The following TYW5 variants were observed in gnomAD, a reference collection of about 807,000 sequenced individuals.
The protein encoded by TYW5 is tRNA-yW synthesizing protein 5.
Under a neutral mutation model 44.4 loss-of-function variants are expected in TYW5, and 36 were observed. That is an observed-to-expected ratio of 0.81 (90% CI 0.62 to 1.07). The LOEUF (loss-of-function observed/expected upper bound fraction) is 1.07, where lower values mean the gene tolerates loss of function less well. TYW5 is among the 50% of genes least tolerant of loss of function. TYW5 has a pLI of 0.00. For missense variants in TYW5, 354 were observed against 365.7 expected, an observed-to-expected ratio of 0.97 and a Z score of 0.26; for synonymous variants, 121 against 128.1, an observed-to-expected ratio of 0.94 and a Z score of 0.37.
At chr2:199,951,616 T>C (rs578105243) in intron 1 of TYW5, among the ~76,000 whole-genome samples, 1 of 152,346 alleles carries the variant, frequency 6.6e-6, no homozygotes, top group Admixed American at 6.5e-5. Context: ...TTCCTTTCTT[T>C]TTTGCAAAGT....
intron 3 of TYW5, chr2:199,943,213 G>A (rs2077478964): frequency 6.6e-6 from 1 of 152,122 alleles, no homozygotes. Context: ...CTTATCTCAA[G>A]GTATTTAAAT....
chr2:199,935,881 C>A, intron 7 of TYW5, 50 bp downstream of exon 7: 1 of 1,171,520 alleles, frequency 8.5e-7, no homozygotes, highest in Non-Finnish European at 1.3e-6. Flanking sequence ...GGATGAGTGA[C>A]AGAGTACACA....
In TYW5 at chr2:199,932,885, G is replaced by A; in HGVS notation, c.*182C>T. The A allele has an allele frequency of 1.5e-6, 1 of 666,436 alleles. No individual in the cohort carries two copies. The highest frequency in any genetic ancestry group is 2.4e-6 in the Non-Finnish European group (1 of 416,232). The allele number at this position is 666,436 out of a possible 1,614,324, so 41.3% of individuals were successfully genotyped here. Reference sequence around the variant, plus strand: ...TAGTGGTCAGCATCTGAATGTTAAAGAGTGGTCCCAGCACAGCATTCTTTA... The same window carrying A: ...TAGTGGTCAGCATCTGAATGTTAAAAAGTGGTCCCAGCACAGCATTCTTTA... On this transcript the variant is annotated 3_prime_UTR_variant, in exon 8 of 8. Transcript: ENST00000354611.
Position 199,933,983 on chromosome 2 carries a change from ATTTAC to A in TYW5, c.692-665_692-661del, listed in dbSNP as rs367846311. On this transcript the variant is annotated intron_variant, in intron 7 of 7. Transcript: ENST00000354611. ...TTAATTTTTTTCCTTTTATTGGGAAATTTACTTTATTTTCAATTGAATCTAAACAT... is the reference window on the plus strand; with the variant it reads ...TTAATTTTTTTCCTTTTATTGGGAAATTTATTTTCAATTGAATCTAAACAT... Among the ~76,000 whole-genome samples, 468 of 152,152 alleles carry A rather than the reference ATTTAC, an allele frequency of 3.1e-3. 1 individual carries two copies. Among genetic ancestry groups the A allele is most frequent in the African/African-American group, 0.011 (448 of 41,554 alleles).
chr2:199,954,588 C>T lies in TYW5; in HGVS notation c.78+805G>A, dbSNP rs556523242. ...CTGGGATTACAGGTATGGGCCACCA[C>T]CATGCCCGGCTAATTTTGTATTTTT... On this transcript the variant is annotated intron_variant, in intron 1 of 7. Coordinates refer to ENST00000354611, the MANE Select transcript of TYW5 (RefSeq NM_001039693.3). 7.9e-5 allele frequency among the ~76,000 whole-genome samples: 12 copies of T among 152,238 alleles called. No individual in the cohort carries two copies. The South Asian group carries it at 2.5e-3, about 32-fold the overall frequency.
At chr2:199,955,348 T>C (rs572987844) in intron 1 of TYW5, 45 bp downstream of exon 1, 9 of 1,600,050 alleles carry the variant, frequency 5.6e-6, no homozygotes, top group Middle Eastern at 1.7e-4. Context: ...TAAAGACGTG[T>C]CTCTCGCTGG....
chr2:199,939,007 A>G lies in TYW5; in HGVS notation c.412T>C (p.Phe138Leu). The G allele has an allele frequency of 6.2e-7, 1 of 1,613,848 alleles. No individual in the cohort carries two copies. The highest frequency in any genetic ancestry group is 8.5e-7 in the Non-Finnish European group (1 of 1,179,884). The change falls in exon 5 of 8, where the codon TTC (phenylalanine) becomes CTC (leucine). Residue 138 changes from phenylalanine (F) to leucine (L), a missense_variant. By Grantham distance (22) the Phe-to-Leu change is conservative. Transcript: ENST00000354611. ...LKGDIKFPEF[F>L]KEEQFFSSVF... ...CTGGAAAAGAACTGTTCCTCTTTGA[A>G]GAATTCTGGAAACTTAATATCTCCT...
intron 7 of TYW5, among the ~76,000 whole-genome samples, chr2:199,933,547 T>G (rs1412958159): frequency 6.6e-6 from 1 of 152,192 alleles, no homozygotes; most frequent in Non-Finnish European, 1.5e-5. Flanking sequence ...TTTTAAAACC[T>G]TTAGAAATAG....
At chr2:199,933,950 A>T (rs1328293408) in intron 7 of TYW5, among the ~76,000 whole-genome samples, 2 of 152,136 alleles carry the variant, frequency 1.3e-5, no homozygotes, top group Non-Finnish European at 2.9e-5. Context: ...ACTTTATTAT[A>T]TACCTAATTA....
In TYW5 at chr2:199,932,528, G is replaced by A. The variant is rs930949431; in HGVS notation, c.*539C>T. 8 of 156,880 alleles carry A rather than the reference G, an allele frequency of 5.1e-5. No homozygotes were observed. The highest frequency in any genetic ancestry group is 1.7e-4 in the African/African-American group (7 of 41,472). 9.7% of individuals were successfully genotyped at this position (156,880 alleles called of 1,614,324 possible). ...GTTACTTTAGAGCAATGAGACCTAA[G>A]GATATGGAAAGTGAATTCTGGGAAA... On this transcript the variant is annotated 3_prime_UTR_variant, in exon 8 of 8. Coordinates refer to ENST00000354611, the MANE Select transcript of TYW5 (RefSeq NM_001039693.3).
In TYW5 at chr2:199,931,567, A is replaced by G. The variant is rs1167411003; in HGVS notation, c.*1500T>C. The G allele has an allele frequency of 1.3e-5, 2 of 152,200 alleles. No individual in the cohort carries two copies. Among genetic ancestry groups the G allele is most frequent in the East Asian group, 3.8e-4 (2 of 5,204 alleles). The allele number at this position is 152,200 out of a possible 1,614,324, so 9.4% of individuals were successfully genotyped here. On this transcript the variant is annotated 3_prime_UTR_variant, in exon 8 of 8. Transcript: ENST00000354611. ...ATGAAGATCAAAACCTGGTAATTAA[A>G]TTTGGCTAATATAATCATTCCTTTT...
chr2:199,952,481 C>T (rs938948892), intron 1 of TYW5, among the ~76,000 whole-genome samples: 3 of 151,902 alleles, frequency 2.0e-5, no homozygotes, highest in Non-Finnish European at 2.9e-5. Context: ...ATGTTTTTTC[C>T]CCCCTCAATC....
Position 199,955,433 on chromosome 2 carries a change from C to T in TYW5, c.38G>A (p.Gly13Asp), listed in dbSNP as rs1444186528. Residue 13 changes from glycine to aspartate, a missense_variant, in exon 1 of 8, where the codon GGC (glycine) becomes GAC (aspartate). By Grantham distance (94) the Gly-to-Asp change is moderately conservative. Transcript: ENST00000354611. Reference protein sequence around the residue: ...GQHLPVPRLEGVSREQFMQHL... With the variant: ...GQHLPVPRLEDVSREQFMQHL... ...CTGCATGAACTGCTCCCGAGAAACG[C>T]CCTCCAGCCGGGGTACCGGGAGGTG... 2 of 1,613,950 alleles carry T rather than the reference C, an allele frequency of 1.2e-6. No individual in the cohort carries two copies. The highest frequency in any genetic ancestry group is 3.3e-5 in the Admixed American group (2 of 60,024).
rs36120218 is a variant in TYW5, at chr2:199,929,473, A to ACAT, written c.*3591_*3593dup. 6.7e-3 allele frequency among the ~76,000 whole-genome samples: 1,022 copies of ACAT among 152,040 alleles called. 10 individuals are homozygous for ACAT. The highest frequency in any genetic ancestry group is 0.023 in the African/African-American group (962 of 41,462). On this transcript the variant is annotated 3_prime_UTR_variant, in exon 8 of 8. Transcript: ENST00000354611. ...CAATCTATGTTAGTTCCTCCTGACTACATCTATTTTTTAGCACTGGGGAAA... is the reference window on the plus strand; with the variant it reads ...CAATCTATGTTAGTTCCTCCTGACTACATCATCTATTTTTTAGCACTGGGGAAA...
chr2:199,947,208 C>CT, intron 2 of TYW5: 1 of 152,182 alleles, frequency 6.6e-6, no homozygotes, highest in Non-Finnish European at 1.5e-5. Flanking sequence ...AAAGGAATGG[C>CT]TGTGGACATT....
chr2:199,933,964 T>C (rs1468819563), intron 7 of TYW5, among the ~76,000 whole-genome samples: 1 of 152,240 alleles, frequency 6.6e-6, no homozygotes, highest in East Asian at 1.9e-4. Flanking sequence ...CTAATTAATT[T>C]TTTTCCTTTT....
chr2:199,943,762 T>G lies in TYW5; in HGVS notation c.303+3A>C. 6.2e-7 allele frequency: 1 copy of G among 1,605,276 alleles called. No homozygotes were observed. Among genetic ancestry groups the G allele is most frequent in the Non-Finnish European group, 8.5e-7 (1 of 1,177,332 alleles). On this transcript the variant is annotated splice_donor_region_variant and intron_variant, in intron 3 of 7. Transcript: ENST00000354611. ...TTCTTTTAAAAATGTTAAAAGCAAT[T>G]ACCTCTGAAACAAAGAATTCTTTAT...
intron 3 of TYW5, among the ~76,000 whole-genome samples, chr2:199,940,780 C>T (rs181803702): frequency 2.2e-4 from 34 of 152,216 alleles, no homozygotes; most frequent in Middle Eastern, 6.8e-3. Flanking sequence ...TCTAAAGCTA[C>T]AATGATTTAG....
At chr2:199,941,618 T>C (rs1189810214) in intron 3 of TYW5, among the ~76,000 whole-genome samples, 1 of 152,228 alleles carries the variant, frequency 6.6e-6, no homozygotes, top group Non-Finnish European at 1.5e-5. Flanking sequence ...AATTACTGGC[T>C]AATAAGTTTC....
Sources: allele counts gnomAD v4.1 joint callset (sites outside exome capture counted in the v4.1 genomes callset), GRCh38; gene constraint gnomAD v4.1.1; transcripts MANE v1.5; gene names NCBI Gene and HGNC (gene_info 2026-07-23, HGNC 2026-07-21).